The following CADPS variants were observed in gnomAD, a reference collection of about 807,000 sequenced individuals.
CADPS encodes calcium-dependent secretion activator 1.
Under a neutral mutation model 167.3 loss-of-function variants are expected in CADPS, and 57 were observed. That is an observed-to-expected ratio of 0.34 (90% confidence interval 0.28 to 0.42). CADPS has a LOEUF of 0.42. Among genes scored for constraint, CADPS ranks in the 20% least tolerant of loss-of-function variants. The pLI, the probability that CADPS is intolerant of heterozygous loss-of-function variation, is 1.00. For synonymous variants in CADPS, 676 were observed against 635.3 expected (o/e 1.06, Z -0.96); for missense variants, 1,414 against 1,738.1 (o/e 0.81, Z 3.32).
rs117050254 is a variant in CADPS at position 62,423,260 on chromosome 3, C to T, written c.3777+14844G>A. On this transcript the variant is annotated intron_variant, in intron 28 of 29. Transcript: ENST00000383710. The stretch of plus-strand genomic sequence containing the variant: ...TCCAGTGACAATGTCCCCACATTCA[C>T]GAAAAGACCTGCCCTAATGGGGTTG... 3.9e-3 allele frequency among the ~76,000 whole-genome samples: 594 copies of T among 152,314 alleles called. 3 individuals are homozygous for T. The highest frequency in any genetic ancestry group is 0.021 in the East Asian group (109 of 5,178).
intron 1 of CADPS, among the ~76,000 whole-genome samples, chr3:62,771,151 G>A (rs11717569): frequency 0.22 from 32,861 of 152,080 alleles, 3,721 homozygotes; most frequent in Middle Eastern, 0.28. Flanking sequence ...TGTACTTCTT[G>A]TTTATAGCTA....
intron 1 of CADPS, among the ~76,000 whole-genome samples, chr3:62,856,312 A>G (rs903603570): frequency 2.6e-5 from 4 of 152,154 alleles, no homozygotes; most frequent in Non-Finnish European, 5.9e-5. Context: ...ATGTATGTTG[A>G]AAACTACAAA....
At chr3:62,515,482 A>G (rs1269559871) in intron 16 of CADPS, among the ~76,000 whole-genome samples, 1 of 152,108 alleles carries the variant, frequency 6.6e-6, no homozygotes, top group Non-Finnish European at 1.5e-5. Context: ...GGCAGTGGTA[A>G]CAAGCATTTA....
chr3:62,488,199 A>C (rs957229861), intron 21 of CADPS, among the ~76,000 whole-genome samples: 2 of 152,210 alleles, frequency 1.3e-5, no homozygotes, highest in African/African-American at 4.8e-5. Flanking sequence ...ATCATTCTTC[A>C]CTTGGAAAAA....
In CADPS at chr3:62,729,584, A is replaced by G. The variant is rs537850928; in HGVS notation, c.888+23857T>C. 3.0e-4 allele frequency among the ~76,000 whole-genome samples: 46 copies of G among 152,100 alleles called. 1 individual carries two copies. Among genetic ancestry groups the G allele is most frequent in the African/African-American group, 1.0e-3 (42 of 41,342 alleles). On this transcript the variant is annotated intron_variant, in intron 3 of 29. Transcript: ENST00000383710. Reference sequence around the variant, plus strand: ...TAGGCAAGTTACTTAAGCATTTTGCATCTCAATTTCACAATCTTTAAAATG... The same window carrying G: ...TAGGCAAGTTACTTAAGCATTTTGCGTCTCAATTTCACAATCTTTAAAATG...
intron 24 of CADPS, among the ~76,000 whole-genome samples, chr3:62,470,243 A>AT (rs1189114888): frequency 6.6e-6 from 1 of 152,104 alleles, no homozygotes; most frequent in African/African-American, 2.4e-5. Flanking sequence ...AAAAATGGAG[A>AT]TTTCATCACC....
intron 1 of CADPS, among the ~76,000 whole-genome samples, chr3:62,795,791 A>C (rs1245779641): frequency 6.6e-6 from 1 of 152,198 alleles, no homozygotes; most frequent in African/African-American, 2.4e-5. Flanking sequence ...AGGGCTCCTA[A>C]CCAGACTTGG....
rs201311125 is a variant in CADPS at position 62,800,297 on chromosome 3, CCAT to C, written c.442-34316_442-34314del. ...AAAATGATAGTCATCATCATTATCA[CCAT>C]CATCATCATCATCATCATTCTTTTG... On this transcript the variant is annotated intron_variant, in intron 1 of 29. Coordinates refer to ENST00000383710, the MANE Select transcript of CADPS (RefSeq NM_003716.4). Among the ~76,000 whole-genome samples, 182 of 151,926 alleles carry C rather than the reference CCAT, an allele frequency of 1.2e-3. 2 individuals are homozygous for C. The highest frequency in any genetic ancestry group is 3.5e-3 in the African/African-American group (144 of 41,444).
At chr3:62,731,207 A>C (rs890006076) in intron 3 of CADPS, among the ~76,000 whole-genome samples, 2 of 152,182 alleles carry the variant, frequency 1.3e-5, no homozygotes, top group Non-Finnish European at 2.9e-5. Flanking sequence ...AGTTGTGATG[A>C]GAATTGTGAA....
chr3:62,502,257 T>C (rs2065885864), intron 17 of CADPS, among the ~76,000 whole-genome samples: 1 of 152,074 alleles, frequency 6.6e-6, no homozygotes, highest in Non-Finnish European at 1.5e-5. Context: ...TTAGCACTTC[T>C]TCCCTCTCCC....
intron 28 of CADPS, among the ~76,000 whole-genome samples, chr3:62,436,969 C>G (rs765620578): frequency 6.6e-6 from 1 of 151,708 alleles, no homozygotes; most frequent in Admixed American, 6.6e-5. Context: ...GCGGTGCCAA[C>G]AATGAGCTCA....
At chr3:62,632,509 C>T (rs971238455) in intron 6 of CADPS, among the ~76,000 whole-genome samples, 11 of 152,048 alleles carry the variant, frequency 7.2e-5, no homozygotes, top group Admixed American at 5.2e-4. Context: ...GTCCAAGATT[C>T]CACCGTAGAG....
chr3:62,473,394 A>C (rs1258837149), intron 24 of CADPS, among the ~76,000 whole-genome samples: 3 of 152,234 alleles, frequency 2.0e-5, no homozygotes. Context: ...TGAACATGTA[A>C]GGCTGGTATC....
At chr3:62,720,020 A>G (rs913980527) in intron 3 of CADPS, among the ~76,000 whole-genome samples, 2 of 152,194 alleles carry the variant, frequency 1.3e-5, no homozygotes, top group African/African-American at 2.4e-5. Context: ...GGGACATAGG[A>G]TAACAGAGTC....
At chr3:62,470,849 C>A (rs1467470737) in intron 24 of CADPS, 1 of 151,282 alleles carries the variant, frequency 6.6e-6, no homozygotes, top group Non-Finnish European at 1.5e-5. Context: ...TGTGTGCGCG[C>A]TATTTTGGGA....
chr3:62,793,269 A>C (rs1438871597), intron 1 of CADPS, among the ~76,000 whole-genome samples: 1 of 145,122 alleles, frequency 6.9e-6, no homozygotes, highest in African/African-American at 2.6e-5. Flanking sequence ...TGGCATCACT[A>C]TTTATTTAAA....
intron 26 of CADPS, among the ~76,000 whole-genome samples, chr3:62,456,845 G>T (rs1435412974): frequency 1.3e-5 from 2 of 151,704 alleles, no homozygotes; most frequent in East Asian, 3.9e-4. Flanking sequence ...AAATGCTCCT[G>T]CTGTGGTCAG....
intron 3 of CADPS, among the ~76,000 whole-genome samples, chr3:62,732,613 C>T (rs951276433): frequency 3.3e-5 from 5 of 152,236 alleles, no homozygotes; most frequent in Non-Finnish European, 7.3e-5. Flanking sequence ...AGCATTCATG[C>T]ACTTATTCAC....
chr3:62,468,850 A>G (rs1244158437), intron 24 of CADPS, among the ~76,000 whole-genome samples: 1 of 152,150 alleles, frequency 6.6e-6, no homozygotes, highest in Non-Finnish European at 1.5e-5. Context: ...TATCATGTCA[A>G]TCTCTGTTGG....
Sources: allele counts gnomAD v4.1 joint callset (sites outside exome capture counted in the v4.1 genomes callset), GRCh38; gene constraint gnomAD v4.1.1; transcripts MANE v1.5; gene names NCBI Gene and HGNC (gene_info 2026-07-23, HGNC 2026-07-21).